DYNLRB2: variants seen among roughly 807,000 people sequenced by gnomAD.
DYNLRB2 encodes dynein light chain roadblock-type 2, also known as bithoraxoid-like protein.
DYNLRB2 carries 14 observed loss-of-function variants against 12.6 expected under a neutral mutation model. That is an observed-to-expected ratio of 1.11 (90% CI 0.73 to 1.73). DYNLRB2 has a LOEUF of 1.73. Ranked by LOEUF, DYNLRB2 falls within the 40% of genes most tolerant of loss-of-function variation. The pLI is 0.00. For missense variants in DYNLRB2, 142 were observed against 117.7 expected (o/e 1.21, Z -0.95); for synonymous variants, 53 against 37.0 (o/e 1.43, Z -1.57).
At chr16:80,546,612 A>T (rs1385712777) in intron 2 of DYNLRB2, among the ~76,000 whole-genome samples, 1 of 152,158 alleles carries the variant, frequency 6.6e-6, no homozygotes, top group Non-Finnish European at 1.5e-5. Flanking sequence ...CATTTATAAA[A>T]CCATTCATTG....
chr16:80,544,858 A>G (rs191208168), intron 2 of DYNLRB2: 17 of 152,320 alleles, frequency 1.1e-4, no homozygotes, highest in Admixed American at 1.1e-3. Flanking sequence ...CTCTGCCGCC[A>G]TCATCACGTA....
At chr16:80,544,759 T>A (rs372869276) in intron 2 of DYNLRB2, 2 of 150,904 alleles carry the variant, frequency 1.3e-5, no homozygotes, top group East Asian at 1.9e-4. Flanking sequence ...CTCTGAAGAC[T>A]CTGTGGGAGG....
rs763654715 is a variant in DYNLRB2, at chr16:80,549,613, GGATCA to G, written c.215_219del (p.Arg72LysfsTer4). ...CCTCAGAACGACCTGACTTTTCTTAGGATCAGATCAAAGAAACATGAAATCATGGT... is the reference window on the plus strand; with the variant it reads ...CCTCAGAACGACCTGACTTTTCTTAGGATCAAAGAAACATGAAATCATGGT... On this transcript the variant is annotated frameshift_variant, in exon 3 of 4. Transcript: ENST00000305904. LOFTEE classifies it high-confidence loss of function. 2 of 1,611,472 alleles carry G rather than the reference GGATCA, an allele frequency of 1.2e-6. No homozygotes were observed. Among genetic ancestry groups the G allele is most frequent in the African/African-American group, 2.7e-5 (2 of 74,888 alleles).
intron 1 of DYNLRB2, 46 bp from the exon 2 acceptor site, chr16:80,543,229 GT>G (rs1904305334): frequency 6.3e-7 from 1 of 1,592,186 alleles, no homozygotes; most frequent in East Asian, 2.2e-5. Context: ...TAGGGTTGAA[GT>G]TACCACAGGG....
At chr16:80,548,000 A>G (rs1180439649) in intron 2 of DYNLRB2, 1 of 341,092 alleles carries the variant, frequency 2.9e-6, no homozygotes, top group Non-Finnish European at 5.7e-6. Context: ...TTTTATGAAA[A>G]CCTGGTAAAA....
intron 2 of DYNLRB2, chr16:80,548,916 G>A (rs1904656139): frequency 2.2e-6 from 1 of 455,902 alleles, no homozygotes; most frequent in Non-Finnish European, 4.4e-6. Context: ...CATGTGCAGT[G>A]ATATCCCTTT....
In DYNLRB2 at chr16:80,541,045, C is replaced by G. The variant is rs750324717; in HGVS notation, c.-32C>G. 2 of 1,605,840 alleles carry G rather than the reference C, an allele frequency of 1.2e-6. No individual in the cohort carries two copies. The highest frequency in any genetic ancestry group is 8.5e-7 in the Non-Finnish European group (1 of 1,175,236). ...TTGACATCCCGGGAGGCTGTGCCGC[C>G]GGCCTGAGCCCAGAGTTTCGCGGCC... On this transcript the variant is annotated 5_prime_UTR_variant, in exon 1 of 4. Coordinates refer to ENST00000305904, the MANE Select transcript of DYNLRB2 (RefSeq NM_130897.3).
Position 80,541,406 on chromosome 16 carries a change from A to G in DYNLRB2, c.3+327A>G, listed in dbSNP as rs186690305. 33 of 984,538 alleles carry G rather than the reference A, an allele frequency of 3.4e-5. No homozygotes were observed. In the African/African-American group the frequency reaches 5.8e-4, roughly 17 times the overall value. 61.0% of individuals were successfully genotyped at this position (984,538 alleles called of 1,614,324 possible). ...ATCCGGGGAGCCAGGAAAGTTTCCA[A>G]AGAGGGGGCGGGAGGCCGAGATGGA... is the stretch of plus-strand genomic sequence containing the variant. On this transcript the variant is annotated intron_variant, in intron 1 of 3. Transcript: ENST00000305904.
Position 80,549,567 on chromosome 16 carries a change from A to T in DYNLRB2, c.163A>T (p.Ser55Cys), listed in dbSNP as rs1237222976. The T allele has an allele frequency of 6.2e-7, 1 of 1,613,280 alleles. No individual in the cohort carries two copies. The highest frequency in any genetic ancestry group is 8.5e-7 in the Non-Finnish European group (1 of 1,179,438). Residue 55 changes from serine to cysteine, a missense_variant, in exon 3 of 4, where the codon AGC (serine) becomes TGC (cysteine). Transcript: ENST00000305904. ...TCATCACCTGACAATGAAAGCCAAAAGCACAGTTCGTGATATTGATCCTCA... is the reference window on the plus strand; with the variant it reads ...TCATCACCTGACAATGAAAGCCAAATGCACAGTTCGTGATATTGATCCTCA... ...LLHHLTMKAK[S>C]TVRDIDPQND...
chr16:80,540,860 C>T (rs745688609), upstream of DYNLRB2: 17 of 801,988 alleles, frequency 2.1e-5, no homozygotes, highest in Middle Eastern at 2.2e-4. Flanking sequence ...CTCAGGTGAG[C>T]GCCTGCTCCC....
intron 1 of DYNLRB2, chr16:80,541,413 G>C (rs12933306): frequency 0.84 from 821,499 of 982,946 alleles, 350,281 homozygotes; most frequent in Non-Finnish European, 0.87. Flanking sequence ...CCAAAGAGGG[G>C]GCGGGAGGCC....
At chr16:80,549,385 C>G in intron 2 of DYNLRB2, 99 bp from the exon 3 acceptor site, 1 of 1,232,756 alleles carries the variant, frequency 8.1e-7, no homozygotes, top group East Asian at 2.6e-5. Flanking sequence ...TCACTTTTTT[C>G]TCTTCTTTAC....
chr16:80,548,769 T>C (rs569824375), intron 2 of DYNLRB2, among the ~76,000 whole-genome samples: 87 of 150,248 alleles, frequency 5.8e-4, no homozygotes, highest in African/African-American at 1.9e-3. Flanking sequence ...CCAAATTTAA[T>C]AGTGATAAAG....
At chr16:80,543,406 T>C (rs968253793) in intron 2 of DYNLRB2, 55 bp downstream of exon 2, 36 of 1,574,448 alleles carry the variant, frequency 2.3e-5, no homozygotes, top group Non-Finnish European at 3.1e-5. Context: ...AGGAACCTGT[T>C]TGCCGTGTTA....
intron 2 of DYNLRB2, chr16:80,549,205 T>A (rs1904679358): frequency 2.7e-6 from 1 of 366,572 alleles, no homozygotes; most frequent in Non-Finnish European, 5.2e-6. Context: ...TTAAAAATAA[T>A]GTTGATGACA....
intron 1 of DYNLRB2, among the ~76,000 whole-genome samples, chr16:80,542,040 A>G (rs1428807397): frequency 6.6e-6 from 1 of 152,160 alleles, no homozygotes; most frequent in Non-Finnish European, 1.5e-5. Flanking sequence ...TTCTGTTGCT[A>G]TTAGGTCCTT....
chr16:80,546,238 A>G (rs1904459725), intron 2 of DYNLRB2, among the ~76,000 whole-genome samples: 1 of 152,258 alleles, frequency 6.6e-6, no homozygotes, highest in Admixed American at 6.5e-5. Context: ...CCTCAATTTT[A>G]GATGAAAGCA....
intron 2 of DYNLRB2, among the ~76,000 whole-genome samples, chr16:80,543,817 AATATAGTCTTTGTGG>A (rs1904313181): frequency 6.6e-6 from 1 of 152,236 alleles, no homozygotes; most frequent in Non-Finnish European, 1.5e-5. Flanking sequence ...TATCATTTAT[AATATAGTCTTTGTGG>A]ATATAGCATA....
At chr16:80,543,247 T>C in intron 1 of DYNLRB2, 29 bp from the exon 2 acceptor site, 1 of 1,612,418 alleles carries the variant, frequency 6.2e-7, no homozygotes, top group East Asian at 2.2e-5. Context: ...AGGGCCCTTT[T>C]GGTTAATTAT....
Sources: gnomAD v4.1 joint callset for allele counts (sites outside exome capture counted in the v4.1 genomes callset) on GRCh38, gnomAD v4.1.1 for gene constraint, MANE v1.5 for transcripts, NCBI Gene and HGNC (gene_info 2026-07-23, HGNC 2026-07-21) for gene names.